The following LRBA variants were observed in gnomAD, a reference collection of about 807,000 sequenced individuals.
LRBA encodes the protein LPS responsive beige-like anchor protein, also known as lipopolysaccharide-responsive and beige-like anchor protein.
In LRBA, 176 loss-of-function variants were observed where a neutral mutation model predicts 330.0. The ratio of observed to expected loss-of-function variants is 0.53; its 90% CI spans 0.47 to 0.60. The LOEUF is 0.60. Ranked by LOEUF, LRBA falls within the 20% of genes least tolerant of loss-of-function variation. The probability of loss-of-function intolerance (pLI) is 0.00; values close to 1 mark genes in which losing one functional copy is unlikely to be tolerated. For missense variants in LRBA, 3,259 were observed against 3,444.8 expected (o/e 0.95, Z 1.35); for synonymous variants, 1,230 against 1,193.0 (o/e 1.03, Z -0.64).
At chr4:150,436,964 A>G (rs534589043) in intron 44 of LRBA, 100 bp from the exon 45 acceptor site, 1 of 1,068,992 alleles carries the variant, frequency 9.4e-7, no homozygotes, top group South Asian at 1.4e-5. Flanking sequence ...ATAAAAGTGA[A>G]TTTTAAAAAT....
intron 42 of LRBA, among the ~76,000 whole-genome samples, chr4:150,475,294 T>C (rs930178775): frequency 8.5e-5 from 13 of 152,212 alleles, no homozygotes; most frequent in Non-Finnish European, 1.2e-4. Flanking sequence ...ACTGACCTTA[T>C]AGAATGAGTT....
intron 2 of LRBA, among the ~76,000 whole-genome samples, chr4:150,956,483 C>T (rs780586478): frequency 1.5e-4 from 22 of 149,022 alleles, no homozygotes; most frequent in Non-Finnish European, 2.8e-4. Context: ...TTCACAAACT[C>T]TTCCAAAACA....
chr4:151,009,029 A>ATATG (rs1491079578), intron 2 of LRBA, among the ~76,000 whole-genome samples: 3 of 4,758 alleles, frequency 6.3e-4, no homozygotes, highest in Admixed American at 5.7e-3. Flanking sequence ...ATATATATAA[A>ATATG]ATGGTATTTT....
At chr4:150,660,528 A>C (rs1780924907) in intron 37 of LRBA, among the ~76,000 whole-genome samples, 1 of 150,400 alleles carries the variant, frequency 6.6e-6, no homozygotes, top group African/African-American at 2.4e-5. Flanking sequence ...CCGGGAGGTG[A>C]GGGGCGCCTC....
intron 42 of LRBA, among the ~76,000 whole-genome samples, chr4:150,480,393 G>A (rs192258178): frequency 4.0e-5 from 6 of 151,770 alleles, no homozygotes; most frequent in Admixed American, 6.6e-5. Context: ...TACACATACA[G>A]GTTTTAATTA....
At chr4:150,319,143 T>A (rs1732129163) in intron 50 of LRBA, among the ~76,000 whole-genome samples, 1 of 152,134 alleles carries the variant, frequency 6.6e-6, no homozygotes. Flanking sequence ...AAACTTGAAA[T>A]CAGCTGGAGA....
chr4:150,485,771 C>T (rs1032330506), intron 42 of LRBA, among the ~76,000 whole-genome samples: 8 of 151,942 alleles, frequency 5.3e-5, no homozygotes, highest in Non-Finnish European at 1.0e-4. Context: ...ATTTGTGGTA[C>T]TTTGTTATGA....
chr4:150,586,471 A>G lies in LRBA; in HGVS notation c.6330+1577T>C, dbSNP rs1460653488. ...TTACAGAACACCTTAAAGCATTAAC[A>G]TCTATACAAAATTAAAACTTCTCCC... On this transcript the variant is annotated intron_variant, in intron 40 of 56. Transcript: ENST00000651943. Among the ~76,000 whole-genome samples the G allele has an allele frequency of 2.0e-5, 3 of 152,188 alleles. No homozygotes were observed. In the East Asian group the frequency reaches 5.8e-4, roughly 29 times the overall value.
chr4:150,738,077 G>A (rs1731458980), intron 35 of LRBA, among the ~76,000 whole-genome samples: 1 of 144,674 alleles, frequency 6.9e-6, no homozygotes, highest in African/African-American at 2.6e-5. Context: ...TGCAACCTCT[G>A]CCTCCTGGGT....
intron 36 of LRBA, among the ~76,000 whole-genome samples, chr4:150,727,506 A>G (rs1729863127): frequency 6.6e-6 from 1 of 152,192 alleles, no homozygotes; most frequent in Admixed American, 6.5e-5. Flanking sequence ...AACCTGAAAT[A>G]TCAAGCATCT....
intron 47 of LRBA, among the ~76,000 whole-genome samples, chr4:150,379,061 G>C (rs1369204815): frequency 6.6e-6 from 1 of 151,882 alleles, no homozygotes; most frequent in African/African-American, 2.4e-5. Flanking sequence ...CCAGCACTTT[G>C]GGAGGCCAAG....
At chr4:150,984,425 C>A (rs1054095418) in intron 2 of LRBA, among the ~76,000 whole-genome samples, 1 of 152,084 alleles carries the variant, frequency 6.6e-6, no homozygotes, top group Admixed American at 6.6e-5. Context: ...AGGAGAATTG[C>A]TTGAACCCGG....
intron 37 of LRBA, among the ~76,000 whole-genome samples, chr4:150,626,091 T>C (rs6847725): frequency 0.8 from 121,566 of 151,896 alleles, 52,379 homozygotes; most frequent in Non-Finnish European, 0.95. Flanking sequence ...CTGGATGCTA[T>C]ATATTCGTCT....
At chr4:150,805,557 A>AG (rs1553965543) in intron 33 of LRBA, among the ~76,000 whole-genome samples, 3 of 78,960 alleles carry the variant, frequency 3.8e-5, no homozygotes, top group East Asian at 4.4e-4. Context: ...AAAGGAAAGG[A>AG]AAGGAAAGGA....
intron 2 of LRBA, among the ~76,000 whole-genome samples, chr4:150,948,650 C>T (rs1474106905): frequency 6.6e-6 from 1 of 151,858 alleles, no homozygotes; most frequent in Non-Finnish European, 1.5e-5. Flanking sequence ...AAAACCTTTT[C>T]AGGAGGATGA....
chr4:150,577,703 C>G (rs1322034668), intron 40 of LRBA, among the ~76,000 whole-genome samples: 1 of 151,874 alleles, frequency 6.6e-6, no homozygotes, highest in Non-Finnish European at 1.5e-5. Flanking sequence ...TATTGAGATA[C>G]AATATATTAT....
chr4:151,004,672 T>C (rs1229258736), intron 2 of LRBA, among the ~76,000 whole-genome samples: 1 of 152,224 alleles, frequency 6.6e-6, no homozygotes, highest in African/African-American at 2.4e-5. Context: ...CATAATATAT[T>C]AGAAGATAAA....
intron 37 of LRBA, among the ~76,000 whole-genome samples, chr4:150,665,487 T>C (rs933656868): frequency 4.6e-5 from 7 of 152,150 alleles, no homozygotes; most frequent in African/African-American, 1.2e-4. Context: ...TGCAAAGTTA[T>C]ATAATCACCA....
chr4:150,936,914 T>C (rs1735134028), intron 2 of LRBA, among the ~76,000 whole-genome samples: 1 of 152,048 alleles, frequency 6.6e-6, no homozygotes, highest in Non-Finnish European at 1.5e-5. Flanking sequence ...GCGATCTAAA[T>C]TGGTCAAAAA....
Sources: gnomAD v4.1 joint callset for allele counts (sites outside exome capture counted in the v4.1 genomes callset) on GRCh38, gnomAD v4.1.1 for gene constraint, MANE v1.5 for transcripts, NCBI Gene and HGNC (gene_info 2026-07-23, HGNC 2026-07-21) for gene names.